The following GATAD2B variants were observed in gnomAD, a reference collection of about 807,000 sequenced individuals.
GATAD2B encodes GATA zinc finger domain containing 2B, also known as transcriptional repressor p66-beta.
GATAD2B carries 8 observed loss-of-function variants against 64.3 expected under a neutral mutation model. The observed-to-expected ratio is 0.12, with a 90% CI of 0.07 to 0.22. The LOEUF (loss-of-function observed/expected upper bound fraction) is 0.22, where lower values mean the gene tolerates loss of function less well. Among genes scored for constraint, GATAD2B ranks in the 10% least tolerant of loss-of-function variants. The pLI, the probability that GATAD2B is intolerant of heterozygous loss-of-function variation, is 1.00. For synonymous variants in GATAD2B, 281 were observed against 271.3 expected (o/e 1.04, Z -0.35); for missense variants, 453 against 752.0 (o/e 0.60, Z 4.65).
chr1:153,876,413 T>G (rs1435490755), intron 1 of GATAD2B, among the ~76,000 whole-genome samples: 1 of 152,168 alleles, frequency 6.6e-6, no homozygotes, highest in Non-Finnish European at 1.5e-5. Flanking sequence ...TATGAAAGAC[T>G]ATTACTGTTT....
intron 1 of GATAD2B, among the ~76,000 whole-genome samples, chr1:153,915,809 G>A (rs1678248227): frequency 1.3e-5 from 2 of 150,334 alleles, no homozygotes; most frequent in South Asian, 4.2e-4. Context: ...ATAAGGTACA[G>A]AAGTAGGGCT....
At chr1:153,823,454 T>G (rs1465462215) in intron 2 of GATAD2B, among the ~76,000 whole-genome samples, 1 of 152,222 alleles carries the variant, frequency 6.6e-6, no homozygotes, top group Non-Finnish European at 1.5e-5. Context: ...AAATAAGATA[T>G]TTAGGCTATT....
At chr1:153,813,161 C>T in intron 8 of GATAD2B, 89 bp downstream of exon 8, 1 of 924,568 alleles carries the variant, frequency 1.1e-6, no homozygotes, top group Non-Finnish European at 1.8e-6. Flanking sequence ...CTGTAGGGAT[C>T]ACATGAACCA....
At chr1:153,853,207 T>C in intron 1 of GATAD2B, 2 of 1,169,210 alleles carry the variant, frequency 1.7e-6, no homozygotes, top group South Asian at 1.2e-5. Context: ...AGCTTCTGGA[T>C]GATGGGCAGA....
intron 1 of GATAD2B, among the ~76,000 whole-genome samples, chr1:153,916,312 A>G (rs1004892159): frequency 2.0e-5 from 3 of 152,018 alleles, no homozygotes; most frequent in African/African-American, 7.2e-5. Flanking sequence ...GAGTAAGACT[A>G]TAAACAGATG....
intron 1 of GATAD2B, among the ~76,000 whole-genome samples, chr1:153,891,571 G>GT (rs1417837752): frequency 3.2e-4 from 5 of 15,486 alleles, no homozygotes; most frequent in Middle Eastern, 0.045. Flanking sequence ...ACTCTGTCTC[G>GT]TTTAAAAAAA....
chr1:153,885,695 T>C (rs1677160030), intron 1 of GATAD2B, among the ~76,000 whole-genome samples: 1 of 151,896 alleles, frequency 6.6e-6, no homozygotes, highest in African/African-American at 2.4e-5. Context: ...ACCCCATCTC[T>C]ACTAAAAAGA....
intron 1 of GATAD2B, among the ~76,000 whole-genome samples, chr1:153,897,426 G>C (rs1361708124): frequency 1.3e-5 from 2 of 152,134 alleles, no homozygotes; most frequent in African/African-American, 4.8e-5. Flanking sequence ...AATACGATGA[G>C]AACAGAATGA....
rs1674582753 is a variant in GATAD2B, at chr1:153,819,053, CT to C, written c.466-132del. The C allele has an allele frequency of 4.6e-6, 4 of 864,980 alleles. No individual in the cohort carries two copies. In the Admixed American group the frequency reaches 1.1e-4, roughly 23 times the overall value. The allele number at this position is 864,980 out of a possible 1,614,324, so 53.6% of individuals were successfully genotyped here. On this transcript the variant is annotated intron_variant, in intron 3 of 10. Coordinates refer to ENST00000368655, the MANE Select transcript of GATAD2B (RefSeq NM_020699.4). The stretch of plus-strand genomic sequence containing the variant: ...GAAGCAGAAGTGGCAATAGGATTAT[CT>C]TTGTATCACTGGAGTCTGGCACAGT...
chr1:153,810,314 G>T lies in GATAD2B; in HGVS notation c.1649-4C>A, dbSNP rs2101873600. The T allele has an allele frequency of 5.6e-6, 9 of 1,611,812 alleles. 1 individual carries two copies. The highest frequency in any genetic ancestry group is 5.1e-6 in the Non-Finnish European group (6 of 1,179,206). On this transcript the variant is annotated splice_region_variant and splice_polypyrimidine_tract_variant and intron_variant, in intron 10 of 10. Coordinates refer to ENST00000368655, the MANE Select transcript of GATAD2B (RefSeq NM_020699.4). ...TTCAAGTATGCAATGTTGACACCTGGACCCAGGAGACAAAAGTGGAGGGCA... is the reference window on the plus strand; with the variant it reads ...TTCAAGTATGCAATGTTGACACCTGTACCCAGGAGACAAAAGTGGAGGGCA...
intron 1 of GATAD2B, among the ~76,000 whole-genome samples, chr1:153,913,821 G>A (rs956080759): frequency 1.3e-5 from 2 of 151,848 alleles, no homozygotes; most frequent in Non-Finnish European, 2.9e-5. Flanking sequence ...TCGGGAGGCT[G>A]AGGCAGGAGA....
At chr1:153,893,912 C>G (rs907072329) in intron 1 of GATAD2B, among the ~76,000 whole-genome samples, 1 of 136,292 alleles carries the variant, frequency 7.3e-6, no homozygotes, top group African/African-American at 2.7e-5. Context: ...GAGCCGAGAT[C>G]GCACCACTGC....
intron 1 of GATAD2B, among the ~76,000 whole-genome samples, chr1:153,902,477 A>G (rs571214246): frequency 5.0e-4 from 76 of 152,024 alleles, no homozygotes; most frequent in Non-Finnish European, 7.9e-4. Context: ...TTTTTGAGAC[A>G]GGGTCTCACT....
intron 7 of GATAD2B, among the ~76,000 whole-genome samples, chr1:153,815,491 T>C (rs2101878934): frequency 6.6e-6 from 1 of 151,998 alleles, no homozygotes; most frequent in Admixed American, 6.6e-5. Flanking sequence ...AAAATGATGT[T>C]ATTTGAGGAC....
At chr1:153,880,139 C>G (rs1381053782) in intron 1 of GATAD2B, among the ~76,000 whole-genome samples, 2 of 151,988 alleles carry the variant, frequency 1.3e-5, no homozygotes, top group South Asian at 2.1e-4. Context: ...CTCCCCCACC[C>G]ACCCCTGTAC....
intron 1 of GATAD2B, among the ~76,000 whole-genome samples, chr1:153,876,227 CAAAAAAAAAAAAAAAAAAAA>C (rs71093296): frequency 1.2e-4 from 6 of 48,430 alleles, no homozygotes; most frequent in African/African-American, 4.0e-4. Flanking sequence ...GACTTCGTCT[CAAAAAAAAAAAAAAAAAAAA>C]AAAAAAAAAA....
intron 1 of GATAD2B, among the ~76,000 whole-genome samples, chr1:153,844,518 A>G (rs1278478855): frequency 6.6e-6 from 1 of 152,086 alleles, no homozygotes; most frequent in Non-Finnish European, 1.5e-5. Flanking sequence ...AGCACCCAAA[A>G]ATATAAAATT....
intron 10 of GATAD2B, 26 bp from the exon 11 acceptor site, chr1:153,810,336 G>A (rs1674250797): frequency 1.2e-6 from 2 of 1,609,018 alleles, no homozygotes; most frequent in Admixed American, 1.7e-5. Context: ...AAAAGTGGAG[G>A]GCAGGTATTA....
At chr1:153,833,943 G>C (rs964811779) in intron 1 of GATAD2B, among the ~76,000 whole-genome samples, 11 of 151,736 alleles carry the variant, frequency 7.2e-5, no homozygotes, top group Admixed American at 3.9e-4. Context: ...GTTTGAGACT[G>C]GCCTGGGCAA....
Sources: gnomAD v4.1 joint callset for allele counts (sites outside exome capture counted in the v4.1 genomes callset) on GRCh38, gnomAD v4.1.1 for gene constraint, MANE v1.5 for transcripts, NCBI Gene and HGNC (gene_info 2026-07-23, HGNC 2026-07-21) for gene names.